Variants in DENND4B observed in about 807,000 individuals in gnomAD.
DENND4B encodes DENN domain containing 4B.
DENND4B carries 67 observed loss-of-function variants against 161.0 expected under a neutral mutation model. The observed-to-expected ratio is 0.42, with a 90% confidence interval of 0.34 to 0.51. The LOEUF (loss-of-function observed/expected upper bound fraction) is 0.51. Among genes scored for constraint, DENND4B ranks in the 20% least tolerant of loss-of-function variants. DENND4B has a pLI of 0.08. For missense variants in DENND4B, 1,481 were observed against 1,968.0 expected, an observed-to-expected ratio of 0.75 and a Z score of 4.68; for synonymous variants, 753 against 813.8, an observed-to-expected ratio of 0.93 and a Z score of 1.27.
chr1:153,942,531 T>C lies in DENND4B; in HGVS notation c.640+25A>G, dbSNP rs768812066. 20 of 1,587,710 alleles carry C rather than the reference T, an allele frequency of 1.3e-5. No individual in the cohort carries two copies. Among genetic ancestry groups the C allele is most frequent in the Admixed American group, 7.2e-5 (4 of 55,488 alleles). On this transcript the variant is annotated intron_variant, in intron 4 of 27. Transcript: ENST00000361217. This position sits in a 1 kb window ranked among gnomAD's most constrained non-coding sequence, Gnocchi z 6.9. ...GGCAAAGGGATGTAGGGTCACAGGA[T>C]TGGAGGGATAAAGGGGCCACTCACC...
chr1:153,938,188 T>C (rs1441233141), intron 13 of DENND4B, among the ~76,000 whole-genome samples: 1 of 148,980 alleles, frequency 6.7e-6, no homozygotes, highest in African/African-American at 2.5e-5. Flanking sequence ...GTGGGCGGAT[T>C]ACTTGAGGCC....
At chr1:153,941,776 C>CGGGGGG in intron 6 of DENND4B, 93 bp downstream of exon 6, 2 of 509,984 alleles carry the variant, frequency 3.9e-6, no homozygotes, top group Non-Finnish European at 7.4e-6. Context: ...CTGTGCCCAG[C>CGGGGGG]CCTCCCCCCA....
Position 153,940,661 on chromosome 1 carries a change from G to C in DENND4B, c.1327-55C>G. 6.3e-7 allele frequency: 1 copy of C among 1,579,020 alleles called. No homozygotes were observed. The highest frequency in any genetic ancestry group is 1.8e-5 in the Admixed American group (1 of 54,372). On this transcript the variant is annotated intron_variant, in intron 9 of 27. Transcript: ENST00000361217. This position sits in a 1 kb window ranked among gnomAD's most constrained non-coding sequence, Gnocchi z 5.6. ...ACAGGGGGTTGAGGCAGCAGTGGGA[G>C]GCACAGGAGAGAGAAAGAGAGGGCA...
rs931942737 is a variant in DENND4B at position 153,937,252 on chromosome 1, C to T, written c.2232+236G>A. Among the ~76,000 whole-genome samples the T allele has an allele frequency of 6.6e-6, 1 of 152,222 alleles. No individual in the cohort carries two copies. The highest frequency in any genetic ancestry group is 2.1e-4 in the South Asian group (1 of 4,832). On this transcript the variant is annotated intron_variant, in intron 15 of 27. Coordinates refer to ENST00000361217, the MANE Select transcript of DENND4B (RefSeq NM_014856.3). This position sits in a 1 kb window ranked among gnomAD's most constrained non-coding sequence, Gnocchi z 4.7. ...GGGCAGGTGCCCTAGAAGACATGGC[C>T]AGCCCCTGGATTCCCAGAGTGCTCA...
chr1:153,938,948 G>T lies in DENND4B; in HGVS notation c.1917C>A (p.Gly639=), dbSNP rs1432321612. 2.5e-6 allele frequency: 4 copies of T among 1,607,234 alleles called. No individual in the cohort carries two copies. Among genetic ancestry groups the T allele is most frequent in the Non-Finnish European group, 3.4e-6 (4 of 1,176,838 alleles). ...FSQFIEECSF[G]SARHAALEFF... ...ATTCAAGGGCAGCATGGCGAGCAGAGCCAAAAGAGCACTCCTCAATGAACT... is the reference window on the plus strand; with the variant it reads ...ATTCAAGGGCAGCATGGCGAGCAGATCCAAAAGAGCACTCCTCAATGAACT... The change falls in exon 13 of 28, where the codon GGC becomes GGA. Residue 639 remains glycine (G), a synonymous_variant. Transcript: ENST00000361217.
intron 8 of DENND4B, 55 bp downstream of exon 8, chr1:153,941,176 C>A: frequency 6.2e-7 from 1 of 1,605,184 alleles, no homozygotes; most frequent in Non-Finnish European, 8.5e-7. Context: ...ACCTGCCCAG[C>A]ACCTACCATG....
In DENND4B at chr1:153,940,469, A is replaced by C; in HGVS notation, c.1464T>G (p.Asp488Glu). 1 of 1,613,134 alleles carries C rather than the reference A, an allele frequency of 6.2e-7. No individual in the cohort carries two copies. The change falls in exon 10 of 28, where the codon GAT (aspartate) becomes GAG (glutamate). Residue 488 changes from aspartate (D) to glutamate (E), a missense_variant. Around this residue, in one of 3 missense-constraint regions of DENND4B, gnomAD observed 806 missense variants for 1,134.4 expected, o/e 0.71. Transcript: ENST00000361217. The surrounding 1 kb of genome is among the most constrained non-coding windows in gnomAD (Gnocchi z 5.6). ...SYFDLHDPPA[D>E]VICVDLDTNT... ...TGGTATCAAGGTCTACACAGATGAC[A>C]TCAGCAGGCGGGTCATGCAGATCAA...
chr1:153,937,690 A>G lies in DENND4B; in HGVS notation c.2105+34T>C, dbSNP rs2102041559. The G allele has an allele frequency of 1.2e-6, 2 of 1,613,884 alleles. No homozygotes were observed. The highest frequency in any genetic ancestry group is 1.7e-6 in the Non-Finnish European group (2 of 1,179,824). On this transcript the variant is annotated intron_variant, in intron 14 of 27. Transcript: ENST00000361217. The surrounding 1 kb of genome is among the most constrained non-coding windows in gnomAD (Gnocchi z 4.7). The stretch of plus-strand genomic sequence containing the variant: ...GAGTTGGACTGGACCAGTCTATGGG[A>G]CCCTGGAACATGTGAAGGCTAAGAG...
In DENND4B at chr1:153,942,789, A is replaced by G; in HGVS notation, c.570+89T>C. On this transcript the variant is annotated intron_variant, in intron 3 of 27. Transcript: ENST00000361217. This position sits in a 1 kb window ranked among gnomAD's most constrained non-coding sequence, Gnocchi z 6.9. ...CCTCTGGACTCACCCCTGTGGTCAG[A>G]GCCTTGGTCCTGGGATGCCCTTTGT... 6.6e-7 allele frequency: 1 copy of G among 1,505,948 alleles called. No individual in the cohort carries two copies. The highest frequency in any genetic ancestry group is 8.9e-7 in the Non-Finnish European group (1 of 1,125,646). 93.3% of individuals were successfully genotyped at this position (1,505,948 alleles called of 1,614,324 possible). A position where few individuals can be genotyped will look rare whatever the true frequency, so the allele number is the denominator to read the frequency against.
chr1:153,945,566 A>ACACACACGCACACACACACG (rs1465357218), intron 1 of DENND4B, among the ~76,000 whole-genome samples: 4 of 151,806 alleles, frequency 2.6e-5, no homozygotes, highest in African/African-American at 9.7e-5. Context: ...ACACACACAC[A>ACACACACGCACACACACACG]CACACACACG....
In DENND4B at chr1:153,930,163, C is replaced by T. The variant is rs537056513; in HGVS notation, c.*134G>A. 8.2e-6 allele frequency: 10 copies of T among 1,224,024 alleles called. No individual in the cohort carries two copies. Among genetic ancestry groups the T allele is most frequent in the Admixed American group, 2.8e-5 (1 of 36,112 alleles). 75.8% of individuals were successfully genotyped at this position (1,224,024 alleles called of 1,614,324 possible). On this transcript the variant is annotated 3_prime_UTR_variant, in exon 28 of 28. Coordinates refer to ENST00000361217, the MANE Select transcript of DENND4B (RefSeq NM_014856.3). The surrounding 1 kb of genome is among the most constrained non-coding windows in gnomAD (Gnocchi z 4.7). The stretch of plus-strand genomic sequence containing the variant: ...AGTGGATCCCTCTTCCTGTTGTCCT[C>T]GCTTGGAGCCTTTGACTGGGCATCC...
chr1:153,943,100 C>T lies in DENND4B; in HGVS notation c.348G>A (p.Lys116=), dbSNP rs772720066. Residue 116 remains lysine, a synonymous_variant, in exon 3 of 28, where the codon AAG becomes AAA. Transcript: ENST00000361217. The part of the protein sequence containing the change: ...GVLYEGKERP[K]PGFQVLDTTP... ...TCGTGTCAAGCACTTGGAAGCCAGG[C>T]TTGGGACGTTCCTTCCCCTCATACA... 1.9e-6 allele frequency: 3 copies of T among 1,613,660 alleles called. No individual in the cohort carries two copies. The highest frequency in any genetic ancestry group is 1.7e-6 in the Non-Finnish European group (2 of 1,179,764).
At position 153,944,201 on chromosome 1, in the gene DENND4B, G is replaced by T. The variant is rs368014205; in HGVS notation, c.174C>A (p.Gly58=). 1 of 1,610,512 alleles carries T rather than the reference G, an allele frequency of 6.2e-7. No homozygotes were observed. Among genetic ancestry groups the T allele is most frequent in the Admixed American group, 1.7e-5 (1 of 59,388 alleles). ...ATGTGTAGCCCTGGGGCACTTCCTC[G>T]CCCAGTGCCCTAGCGATGACTGCCA... ...TDVAVIARAL[G]EEVPQGYTCI... The change falls in exon 2 of 28, where the codon GGC becomes GGA. Residue 58 remains glycine, a synonymous_variant. Coordinates refer to ENST00000361217, the MANE Select transcript of DENND4B (RefSeq NM_014856.3). The surrounding 1 kb of genome is among the most constrained non-coding windows in gnomAD (Gnocchi z 4.8).
rs1283470129 is a variant in DENND4B, at chr1:153,930,926, C to G, written c.4114+21G>C. 6.2e-7 allele frequency: 1 copy of G among 1,602,882 alleles called. No individual in the cohort carries two copies. The highest frequency in any genetic ancestry group is 8.5e-7 in the Non-Finnish European group (1 of 1,175,222). On this transcript the variant is annotated intron_variant, in intron 25 of 27. Transcript: ENST00000361217. This position sits in a 1 kb window ranked among gnomAD's most constrained non-coding sequence, Gnocchi z 4.7. Reference sequence around the variant, plus strand: ...GGGTATGGGACCCACCCTCCCCACCCAGGCCAAATACCAGACTCACTGTGG... The same window carrying G: ...GGGTATGGGACCCACCCTCCCCACCGAGGCCAAATACCAGACTCACTGTGG...
intron 17 of DENND4B, 139 bp from the exon 18 acceptor site, chr1:153,935,103 C>T: frequency 6.9e-7 from 1 of 1,454,546 alleles, no homozygotes; most frequent in Non-Finnish European, 9.1e-7. Context: ...AATGGCTCAG[C>T]CAGGAACAAG....
In DENND4B at chr1:153,933,614, G is replaced by A; in HGVS notation, c.3199C>T (p.Pro1067Ser). 6.4e-7 allele frequency: 1 copy of A among 1,558,156 alleles called. No individual in the cohort carries two copies. Among genetic ancestry groups the A allele is most frequent in the Admixed American group, 2.0e-5 (1 of 50,096 alleles). The change falls in exon 20 of 28, where the codon CCT becomes TCT. Residue 1067 changes from proline (P) to serine (S), a missense_variant. By Grantham distance (74) the Pro-to-Ser change is moderately conservative (BLOSUM62 -1). Transcript: ENST00000361217. The surrounding 1 kb of genome is among the most constrained non-coding windows in gnomAD (Gnocchi z 5.7). ...CGGGAGGCAGGGGAGTGGCGGGAAG[G>A]AGTGAGCAGCTGTTGGAGGCGGGCA... Reference protein sequence around the residue: ...LGARLQQLLTPSRHSPASRIP... With the variant: ...LGARLQQLLTSSRHSPASRIP...
In DENND4B at chr1:153,944,158, C is replaced by A; in HGVS notation, c.217G>T (p.Gly73Trp). Residue 73 changes from glycine (G) to tryptophan (W), a missense_variant, in exon 2 of 28, where the codon GGG becomes TGG. This residue lies in a region of DENND4B where 806 missense variants were observed against 1,134.4 expected (regional missense o/e 0.71). Coordinates refer to ENST00000361217, the MANE Select transcript of DENND4B (RefSeq NM_014856.3). This position sits in a 1 kb window ranked among gnomAD's most constrained non-coding sequence, Gnocchi z 4.8. ...GCACTGAGTTCCAAGGGGTGGCCCC[C>A]AGCAGAAGCCTGGATGCATGTGTAG... ...QGYTCIQASAGGHPLELSAGL... is the reference protein window; with the variant it reads ...QGYTCIQASAWGHPLELSAGL... 6.2e-7 allele frequency: 1 copy of A among 1,613,172 alleles called. No individual in the cohort carries two copies. Among genetic ancestry groups the A allele is most frequent in the East Asian group, 2.2e-5 (1 of 44,816 alleles).
chr1:153,940,206 T>C lies in DENND4B; in HGVS notation c.1553A>G (p.Tyr518Cys). The C allele has an allele frequency of 6.2e-7, 1 of 1,602,240 alleles. No individual in the cohort carries two copies. Among genetic ancestry groups the C allele is most frequent in the East Asian group, 2.2e-5 (1 of 44,812 alleles). ...TGTCAGTGTGGCCAGCAGAACCTTGTAGGGTCTGCGGGGCAGGGTCCGAGG... is the reference window on the plus strand; with the variant it reads ...TGTCAGTGTGGCCAGCAGAACCTTGCAGGGTCTGCGGGGCAGGGTCCGAGG... ...LSPRTLPRRP[Y>C]KVLLATLTNL... Residue 518 changes from tyrosine (Y) to cysteine (C), a missense_variant, in exon 11 of 28, where the codon TAC becomes TGC. Physicochemically the swap from Tyr to Cys is radical, Grantham distance 194. Coordinates refer to ENST00000361217, the MANE Select transcript of DENND4B (RefSeq NM_014856.3). The surrounding 1 kb of genome is among the most constrained non-coding windows in gnomAD (Gnocchi z 5.6).
At position 153,941,432 on chromosome 1, in the gene DENND4B, G is replaced by C. The variant is rs1679663409; in HGVS notation, c.1064C>G (p.Ser355Cys). The change falls in exon 7 of 28, where the codon TCC becomes TGC. Residue 355 changes from serine to cysteine, a missense_variant. Ser to Cys is a moderately radical substitution (Grantham distance 112). Transcript: ENST00000361217. ...GAAGGGAACGTTGTGAATGAAGTGG[G>C]AGATGTGCCTGGGGGACAGAGAAAC... ...PHRLPLEAHISHFIHNVPFPS... is the reference protein window; with the variant it reads ...PHRLPLEAHICHFIHNVPFPS... 1.2e-6 allele frequency: 2 copies of C among 1,612,188 alleles called. No individual in the cohort carries two copies. The highest frequency in any genetic ancestry group is 8.5e-7 in the Non-Finnish European group (1 of 1,179,442).
Sources: gnomAD v4.1 joint callset for allele counts (sites outside exome capture counted in the v4.1 genomes callset) on GRCh38, gnomAD v4.1.1 for gene constraint, gnomAD v4.1.1 regional missense constraint, Gnocchi (gnomAD v3.1) non-coding constraint, MANE v1.5 for transcripts, NCBI Gene and HGNC (gene_info 2026-07-23, HGNC 2026-07-21) for gene names.